Variants in YEATS2 observed in about 807,000 individuals in gnomAD.
YEATS2 encodes YEATS domain containing 2, also known as YEATS domain-containing protein 2.
In YEATS2, 77 loss-of-function variants were observed where a neutral mutation model predicts 163.2. The ratio of observed to expected loss-of-function variants is 0.47; its 90% confidence interval spans 0.39 to 0.57. The LOEUF is 0.57. Among genes scored for constraint, YEATS2 ranks in the 20% least tolerant of loss-of-function variants. The pLI is 0.00. For synonymous variants in YEATS2, 631 were observed against 645.1 expected (o/e 0.98, Z 0.33); for missense variants, 1,549 against 1,729.8 (o/e 0.90, Z 1.85).
intron 7 of YEATS2, among the ~76,000 whole-genome samples, chr3:183,729,145 G>T (rs373948113): frequency 6.6e-6 from 1 of 152,204 alleles, no homozygotes; most frequent in Admixed American, 6.5e-5. Flanking sequence ...GGTGGCGGGC[G>T]CCTGTAGTCC....
chr3:183,779,822 C>G (rs369612716), intron 19 of YEATS2, among the ~76,000 whole-genome samples: 1 of 151,832 alleles, frequency 6.6e-6, no homozygotes, highest in Admixed American at 6.6e-5. Context: ...CTCAGCCTCC[C>G]GAGTAGCTGG....
intron 27 of YEATS2, among the ~76,000 whole-genome samples, chr3:183,805,921 T>G (rs1726151679): frequency 6.6e-6 from 1 of 152,098 alleles, no homozygotes; most frequent in South Asian, 2.1e-4. Flanking sequence ...GACTTCGCTG[T>G]GTAAGCTACT....
intron 1 of YEATS2, among the ~76,000 whole-genome samples, chr3:183,698,319 A>G (rs1713699959): frequency 6.6e-6 from 1 of 152,208 alleles, no homozygotes; most frequent in Non-Finnish European, 1.5e-5. Flanking sequence ...CTTGGAGGCA[A>G]GATTTGGCCC....
intron 15 of YEATS2, among the ~76,000 whole-genome samples, chr3:183,770,152 G>A (rs1722305881): frequency 6.6e-6 from 1 of 151,714 alleles, no homozygotes; most frequent in Admixed American, 6.6e-5. Context: ...ACTTTGGGAG[G>A]CCGAGGCGGG....
At position 183,756,539 on chromosome 3, in the gene YEATS2, T is replaced by C. The variant is rs1720784124; in HGVS notation, c.1402T>C (p.Ser468Pro). ...TTTTAATTAATAAGGTTCCCCAATA[T>C]CAACTCCAAGCCCATCACCATTGCC... ...SCKIVSGSPISTPSPSPLPRT... is the reference protein window; with the variant it reads ...SCKIVSGSPIPTPSPSPLPRT... Residue 468 changes from serine (S) to proline (P), a missense_variant, in exon 12 of 31, where the codon TCA (serine) becomes CCA (proline). Transcript: ENST00000305135. The C allele has an allele frequency of 6.4e-7, 1 of 1,553,892 alleles. No individual in the cohort carries two copies. The highest frequency in any genetic ancestry group is 8.7e-7 in the Non-Finnish European group (1 of 1,154,382).
At position 183,806,942 on chromosome 3, in the gene YEATS2, A is replaced by G. The variant is rs1387756661; in HGVS notation, c.3861A>G (p.Glu1287=). 1 of 1,614,006 alleles carries G rather than the reference A, an allele frequency of 6.2e-7. No individual in the cohort carries two copies. Among genetic ancestry groups the G allele is most frequent in the Non-Finnish European group, 8.5e-7 (1 of 1,180,028 alleles). The part of the protein sequence containing the change: ...LEDLQQFQKR[E]PENEEEVDIL... The stretch of plus-strand genomic sequence containing the variant: ...ACCTGCAACAGTTCCAGAAAAGGGA[A>G]CCCGAGAATGAGGAGGAGGTGGACA... Residue 1287 remains glutamate (E), a synonymous_variant, in exon 28 of 31, where the codon GAA becomes GAG. Transcript: ENST00000305135.
At chr3:183,810,376 C>T (rs996008496) in intron 30 of YEATS2, 99 bp from the exon 31 acceptor site, 7 of 1,091,940 alleles carry the variant, frequency 6.4e-6, no homozygotes, top group South Asian at 5.7e-5. Flanking sequence ...CTCCACGGGG[C>T]CTCTGCCTGG....
intron 15 of YEATS2, among the ~76,000 whole-genome samples, chr3:183,768,244 C>A (rs1298245685): frequency 6.6e-6 from 1 of 152,208 alleles, no homozygotes; most frequent in Non-Finnish European, 1.5e-5. Context: ...AACACTTCAT[C>A]TCATACCTCC....
chr3:183,781,746 A>G lies in YEATS2; in HGVS notation c.2736+4046A>G, dbSNP rs567655865. 8.9e-4 allele frequency among the ~76,000 whole-genome samples: 135 copies of G among 152,286 alleles called. No individual in the cohort carries two copies. The South Asian group carries it at 0.025, about 28-fold the overall frequency. ...CAGAACAAGACTCCGTCTCAAAAAA[A>G]AAGAAACTACCTGGGCCATGGTGGC... On this transcript the variant is annotated intron_variant, in intron 19 of 30. Transcript: ENST00000305135.
At chr3:183,799,212 C>G (rs1442395687) in intron 23 of YEATS2, among the ~76,000 whole-genome samples, 1 of 152,202 alleles carries the variant, frequency 6.6e-6, no homozygotes, top group Non-Finnish European at 1.5e-5. Flanking sequence ...AGGATCATTT[C>G]TGCCCTTCAG....
intron 1 of YEATS2, among the ~76,000 whole-genome samples, chr3:183,711,328 C>T (rs978353476): frequency 6.6e-6 from 1 of 151,906 alleles, no homozygotes; most frequent in Admixed American, 6.6e-5. Flanking sequence ...AAAAAATCAG[C>T]CGGGCGTGGT....
intron 15 of YEATS2, among the ~76,000 whole-genome samples, chr3:183,763,148 G>A (rs1214814632): frequency 6.6e-6 from 1 of 152,072 alleles, no homozygotes; most frequent in African/African-American, 2.4e-5. Flanking sequence ...CCTGATGATG[G>A]TACATTCTGA....
intron 20 of YEATS2, among the ~76,000 whole-genome samples, chr3:183,786,830 AT>A (rs1377373457): frequency 6.6e-6 from 1 of 152,064 alleles, no homozygotes; most frequent in Admixed American, 6.6e-5. Flanking sequence ...CACTTGGATT[AT>A]TTTCTACTTT....
chr3:183,775,816 G>A (rs931146327), intron 17 of YEATS2, 99 bp from the exon 18 acceptor site: 117 of 1,550,614 alleles, frequency 7.5e-5, no homozygotes, highest in Non-Finnish European at 1.0e-4. Flanking sequence ...AGAAGGAATG[G>A]CACTAAAAGG....
rs200157243 is a variant in YEATS2 at position 183,798,074 on chromosome 3, G to A, written c.3226+23G>A. 117 of 1,611,708 alleles carry A rather than the reference G, an allele frequency of 7.3e-5. No individual in the cohort carries two copies. The Admixed American group carries it at 7.3e-4, about 10-fold the overall frequency. On this transcript the variant is annotated intron_variant, in intron 22 of 30. Coordinates refer to ENST00000305135, the MANE Select transcript of YEATS2 (RefSeq NM_018023.5). ...AAGGTGAGTCCCTTGCCCACGGGTC[G>A]TCTGTGCTGTGGCTGCCTCCACATC...
intron 5 of YEATS2, among the ~76,000 whole-genome samples, chr3:183,722,725 T>A (rs1402781803): frequency 6.6e-6 from 1 of 152,182 alleles, no homozygotes; most frequent in East Asian, 1.9e-4. Flanking sequence ...CAATCTCGGC[T>A]CATTGCCACC....
At chr3:183,734,632 A>G (rs1718150907) in intron 7 of YEATS2, among the ~76,000 whole-genome samples, 1 of 152,248 alleles carries the variant, frequency 6.6e-6, no homozygotes, top group South Asian at 2.1e-4. Context: ...TGGCATATCT[A>G]GAATTAACAT....
intron 8 of YEATS2, among the ~76,000 whole-genome samples, chr3:183,737,922 C>T (rs1718519186): frequency 6.6e-6 from 1 of 152,146 alleles, no homozygotes; most frequent in African/African-American, 2.4e-5. Context: ...TCTGTGAGTA[C>T]CATTTTTCCA....
chr3:183,753,672 C>T (rs1161591913), intron 10 of YEATS2, among the ~76,000 whole-genome samples: 1 of 152,092 alleles, frequency 6.6e-6, no homozygotes, highest in Non-Finnish European at 1.5e-5. Context: ...TGCTTGAACC[C>T]GGGAGGTGGA....
Sources: allele counts gnomAD v4.1 joint callset (sites outside exome capture counted in the v4.1 genomes callset), GRCh38; gene constraint gnomAD v4.1.1; transcripts MANE v1.5; gene names NCBI Gene and HGNC (gene_info 2026-07-23, HGNC 2026-07-21).